The following RYR1 variants were observed in gnomAD, a reference collection of about 807,000 sequenced individuals.
RYR1 encodes central core disease of muscle.
Under a neutral mutation model 583.5 loss-of-function variants are expected in RYR1, and 342 were observed. The observed-to-expected ratio is 0.59, with a 90% CI of 0.54 to 0.64. The LOEUF is 0.64. RYR1 is among the 30% of genes least tolerant of loss of function. RYR1 has a pLI of 0.00. For synonymous variants in RYR1, 2,791 were observed against 2,822.5 expected (o/e 0.99, Z 0.35); for missense variants, 6,032 against 6,917.2 (o/e 0.87, Z 4.54).
Position 38,449,497 on chromosome 19 carries a change from CAGAG to C in RYR1, c.1122+689_1122+692del, listed in dbSNP as rs200673513. Among the ~76,000 whole-genome samples the C allele has an allele frequency of 2.1e-3, 318 of 152,170 alleles. 3 individuals carry two copies. The East Asian group carries it at 0.035, about 17-fold the overall frequency. On this transcript the variant is annotated intron_variant, in intron 11 of 105. Coordinates refer to ENST00000359596, the MANE Select transcript of RYR1 (RefSeq NM_000540.3). ...AAACAAAACAAAACAAAAACAAAAACAGAGAGAGTGAGAAAAAGATGGATAATGA... is the reference window on the plus strand; with the variant it reads ...AAACAAAACAAAACAAAAACAAAAACAGAGTGAGAAAAAGATGGATAATGA...
chr19:38,495,071 C>G (rs538085991), intron 39 of RYR1, among the ~76,000 whole-genome samples: 27 of 151,224 alleles, frequency 1.8e-4, no homozygotes, highest in Non-Finnish European at 3.2e-4. Flanking sequence ...AGACTAGTCT[C>G]GAACTCCTAA....
At chr19:38,537,458 C>G (rs1235360733) in intron 83 of RYR1, among the ~76,000 whole-genome samples, 1 of 152,180 alleles carries the variant, frequency 6.6e-6, no homozygotes, top group African/African-American at 2.4e-5. Context: ...CCAATCTTCC[C>G]CTGCCCAGAG....
At chr19:38,513,273 G>T (rs1970810395) in intron 63 of RYR1, among the ~76,000 whole-genome samples, 1 of 152,140 alleles carries the variant, frequency 6.6e-6, no homozygotes. Context: ...GGAGGCGAAG[G>T]TTGCAGTGCA....
chr19:38,452,629 G>A (rs896970796), intron 12 of RYR1, among the ~76,000 whole-genome samples, 190 bp from the exon 13 acceptor site: 2 of 152,144 alleles, frequency 1.3e-5, no homozygotes, highest in Non-Finnish European at 2.9e-5. Flanking sequence ...ACACAGGAGC[G>A]AGTCCCAGTC....
chr19:38,490,328 A>C, intron 36 of RYR1, 52 bp downstream of exon 36: 1 of 1,520,214 alleles, frequency 6.6e-7, no homozygotes, highest in Non-Finnish European at 9.0e-7. Context: ...CCCAACCTCA[A>C]CATCTCCTGA....
chr19:38,519,618 G>C (rs571828321), intron 67 of RYR1, among the ~76,000 whole-genome samples, 164 bp downstream of exon 67: 11 of 152,150 alleles, frequency 7.2e-5, no homozygotes, highest in African/African-American at 2.4e-4. Flanking sequence ...GAGCACATTG[G>C]TCCAACGACA....
At position 38,517,540 on chromosome 19, in the gene RYR1, C is replaced by G. The variant is rs774464442; in HGVS notation, c.9867C>G (p.Pro3289=). ...SYLPRWWERG[P]EAPPSALPAG... is the part of the protein sequence containing the mutation. The stretch of plus-strand genomic sequence containing the variant: ...TGCCCCGATGGTGGGAGCGCGGGCC[C>G]GAGGCACCCCCTTCCGCCCTGCCCG... The change falls in exon 66 of 106, where the codon CCC becomes CCG. Residue 3289 remains proline, a synonymous_variant. Coordinates refer to ENST00000359596, the MANE Select transcript of RYR1 (RefSeq NM_000540.3). 5.6e-6 allele frequency: 9 copies of G among 1,613,864 alleles called. No individual in the cohort carries two copies. Among genetic ancestry groups the G allele is most frequent in the Non-Finnish European group, 7.6e-6 (9 of 1,179,868 alleles).
Position 38,483,537 on chromosome 19 carries a change from G to A in RYR1, c.4934+21G>A, listed in dbSNP as rs1568481794. 1.6e-5 allele frequency: 25 copies of A among 1,533,544 alleles called. No homozygotes were observed. Among genetic ancestry groups the A allele is most frequent in the Non-Finnish European group, 2.0e-5 (23 of 1,143,152 alleles). 95.0% of individuals were successfully genotyped at this position (1,533,544 alleles called of 1,614,324 possible). A position where few individuals can be genotyped will look rare whatever the true frequency, so the allele number is the denominator to read the frequency against. ...AACCGGTCAGGGCCAGCCCAGCTAT[G>A]CAGGGGTGGGCAGGTGTTGCAAGCC... On this transcript the variant is annotated intron_variant, in intron 33 of 105. Transcript: ENST00000359596. The surrounding 1 kb of genome is among the most constrained non-coding windows in gnomAD (Gnocchi z 6.3).
rs746484347 is a variant in RYR1, at chr19:38,505,313, A to G, written c.8315A>G (p.Gln2772Arg). 1.2e-6 allele frequency: 2 copies of G among 1,609,718 alleles called. No individual in the cohort carries two copies. Among genetic ancestry groups the G allele is most frequent in the Admixed American group, 3.3e-5 (2 of 59,780 alleles). The part of the protein sequence containing the change: ...THEKWAFDKI[Q>R]NNWSYGENID... ...CTGCCTCCCCTCCATCTCTAGATCC[A>G]GAACAACTGGTCCTATGGAGAGAAC... Residue 2772 changes from glutamine (Q) to arginine (R), a missense_variant, in exon 53 of 106, where the codon CAG becomes CGG. Transcript: ENST00000359596.
In RYR1 at chr19:38,500,521, T is replaced by C; in HGVS notation, c.7324-85T>C. The C allele has an allele frequency of 1.3e-6, 2 of 1,571,190 alleles. No homozygotes were observed. Among genetic ancestry groups the C allele is most frequent in the Non-Finnish European group, 1.7e-6 (2 of 1,145,718 alleles). On this transcript the variant is annotated intron_variant, in intron 45 of 105. Transcript: ENST00000359596. This position sits in a 1 kb window ranked among gnomAD's most constrained non-coding sequence, Gnocchi z 5.9. ...GAGAAAGAGGCCTGCTCTACCCTCC[T>C]GTGTGGTAAGGGAGGGAGCAGAGCA...
At chr19:38,439,372 T>C (rs903197907) in intron 1 of RYR1, among the ~76,000 whole-genome samples, 4 of 152,144 alleles carry the variant, frequency 2.6e-5, no homozygotes, top group Non-Finnish European at 5.9e-5. Flanking sequence ...GGTAATTTTG[T>C]ATTTTTAGTA....
intron 89 of RYR1, among the ~76,000 whole-genome samples, chr19:38,553,663 C>T (rs1038224168): frequency 3.9e-5 from 6 of 152,056 alleles, no homozygotes; most frequent in Non-Finnish European, 7.4e-5. Flanking sequence ...CTCAAAAAAA[C>T]ATTTATCAAA....
chr19:38,490,592 C>G (rs1969508750), intron 36 of RYR1, 29 bp from the exon 37 acceptor site: 1 of 1,418,494 alleles, frequency 7.0e-7, no homozygotes, highest in East Asian at 2.3e-5. Flanking sequence ...GATCTCAGAC[C>G]CTCATTCTAA....
In RYR1 at chr19:38,516,175, G is replaced by T; in HGVS notation, c.9643G>T (p.Ala3215Ser). 1 of 1,567,744 alleles carries T rather than the reference G, an allele frequency of 6.4e-7. No homozygotes were observed. The stretch of plus-strand genomic sequence containing the variant: ...GGAGCCGCAGCTGAACGAGTACAAC[G>T]CCTGCTCCGTGTACACCACCAAGTC... Reference protein sequence around the residue: ...FLEPQLNEYNACSVYTTKSPR... With the variant: ...FLEPQLNEYNSCSVYTTKSPR... Residue 3215 changes from alanine (A) to serine (S), a missense_variant, in exon 65 of 106, where the codon GCC (alanine) becomes TCC (serine). By Grantham distance (99) the Ala-to-Ser change is moderately conservative. Coordinates refer to ENST00000359596, the MANE Select transcript of RYR1 (RefSeq NM_000540.3).
intron 42 of RYR1, among the ~76,000 whole-genome samples, chr19:38,497,933 C>T (rs927227505): frequency 1.3e-5 from 2 of 151,904 alleles, no homozygotes; most frequent in Non-Finnish European, 2.9e-5. Context: ...TATGGTCACA[C>T]CACTGCACTT....
At chr19:38,506,151 G>A (rs1970437533) in intron 54 of RYR1, 152 bp from the exon 55 acceptor site, 1 of 1,010,722 alleles carries the variant, frequency 9.9e-7, no homozygotes, top group South Asian at 1.4e-5. Flanking sequence ...GGATGGGGTG[G>A]TTTAGAGACA....
chr19:38,565,225 T>G lies in RYR1; in HGVS notation c.12891T>G (p.Val4297=), dbSNP rs2145844519. The change falls in exon 91 of 106, where the codon GTT becomes GTG. Residue 4297 remains valine, a synonymous_variant. Transcript: ENST00000359596. This position sits in a 1 kb window ranked among gnomAD's most constrained non-coding sequence, Gnocchi z 4.7. ...CGGCGGCGGGGGCGACGGCGCGGGT[T>G]GTGGCGGCCGCAGGCCGGGCCCTGC... The part of the protein sequence containing the change: ...ATAAAGATAR[V]VAAAGRALRG... 4.0e-6 allele frequency: 4 copies of G among 988,684 alleles called. No individual in the cohort carries two copies. Among genetic ancestry groups the G allele is most frequent in the Non-Finnish European group, 4.8e-6 (4 of 834,314 alleles). The allele number at this position is 988,684 out of a possible 1,614,324, so 61.2% of individuals were successfully genotyped here. A position where few individuals can be genotyped will look rare whatever the true frequency, so the allele number is the denominator to read the frequency against.
chr19:38,543,939 G>A lies in RYR1; in HGVS notation c.12012+64G>A, dbSNP rs1343830870. 6.7e-7 allele frequency: 1 copy of A among 1,503,398 alleles called. No homozygotes were observed. The highest frequency in any genetic ancestry group is 1.4e-5 in the African/African-American group (1 of 71,826). The allele number at this position is 1,503,398 out of a possible 1,614,324, so 93.1% of individuals were successfully genotyped here. On this transcript the variant is annotated intron_variant, in intron 87 of 105. Coordinates refer to ENST00000359596, the MANE Select transcript of RYR1 (RefSeq NM_000540.3). The surrounding 1 kb of genome is among the most constrained non-coding windows in gnomAD (Gnocchi z 4.4). ...CGTCCCCCAAGTGGTCCATTTCCAA[G>A]TCTTGCCCCTTTGGTCAGTTTGTCA...
In RYR1 at chr19:38,500,898, C is replaced by T. The variant is rs118192178; in HGVS notation, c.7522C>T (p.Arg2508Cys). 1 of 1,614,048 alleles carries T rather than the reference C, an allele frequency of 6.2e-7. No homozygotes were observed. The highest frequency in any genetic ancestry group is 8.5e-7 in the Non-Finnish European group (1 of 1,180,006). Residue 2508 changes from arginine to cysteine, a missense_variant, in exon 47 of 106, where the codon CGT becomes TGT. Arg to Cys is a radical substitution (Grantham distance 180). This residue lies in a region of RYR1 where 2,627 missense variants were observed against 2,961.3 expected (regional missense o/e 0.89). Transcript: ENST00000359596. This position sits in a 1 kb window ranked among gnomAD's most constrained non-coding sequence, Gnocchi z 5.9. ...HKASMVLFLDRVYGIENQDFL... is the reference protein window; with the variant it reads ...HKASMVLFLDCVYGIENQDFL... ...GGCGTCCATGGTGCTCTTCCTGGAC[C>T]GTGTGTATGGCATCGAGAACCAGGA...
Sources: allele counts gnomAD v4.1 joint callset (sites outside exome capture counted in the v4.1 genomes callset), GRCh38; gene constraint gnomAD v4.1.1; regional missense constraint gnomAD v4.1.1; non-coding constraint Gnocchi (gnomAD v3.1); transcripts MANE v1.5; gene names NCBI Gene and HGNC (gene_info 2026-07-23, HGNC 2026-07-21).